The following NXPE2 variants were observed in gnomAD, a reference collection of about 807,000 sequenced individuals.
NXPE2 encodes neurexophilin and PC-esterase domain family member 2.
Under a neutral mutation model 34.4 loss-of-function variants are expected in NXPE2, and 34 were observed. That is an observed-to-expected ratio of 0.99 (90% CI 0.75 to 1.31). The LOEUF (loss-of-function observed/expected upper bound fraction) is 1.31, where lower values mean the gene tolerates loss of function less well. NXPE2 is among the 40% of genes most tolerant of loss of function. The pLI, the probability that NXPE2 is intolerant of heterozygous loss-of-function variation, is 0.00. For missense variants in NXPE2, 649 were observed against 672.5 expected, an observed-to-expected ratio of 0.97 and a Z score of 0.39; for synonymous variants, 235 against 231.3, an observed-to-expected ratio of 1.02 and a Z score of -0.15.
chr11:114,603,405 A>G, the NXPE2 span, among the ~76,000 whole-genome samples: 3 of 150,268 alleles, frequency 2.0e-5, no homozygotes, highest in Non-Finnish European at 4.4e-5. Context: ...AACACCTATT[A>G]CCTGGTGGAT....
At chr11:114,663,475 A>G in the NXPE2 span, among the ~76,000 whole-genome samples, 9 of 152,082 alleles carry the variant, frequency 5.9e-5, no homozygotes, top group African/African-American at 2.2e-4. Context: ...GTCTAATGGA[A>G]GCCAAGAGCA....
chr11:114,647,996 G>A, the NXPE2 span, among the ~76,000 whole-genome samples: 3 of 152,024 alleles, frequency 2.0e-5, no homozygotes, highest in Non-Finnish European at 4.4e-5. Flanking sequence ...CACTGTTGCC[G>A]GCCGACTTAA....
At chr11:114,745,278 G>T in the NXPE2 span, among the ~76,000 whole-genome samples, 1 of 152,126 alleles carries the variant, frequency 6.6e-6, no homozygotes, top group Non-Finnish European at 1.5e-5. Context: ...TATTTTGGGG[G>T]AGGGTTTCAG....
chr11:114,703,491 A>G (rs1951405684), intron 3 of NXPE2, among the ~76,000 whole-genome samples: 1 of 152,182 alleles, frequency 6.6e-6, no homozygotes, highest in Non-Finnish European at 1.5e-5. Context: ...AGGCTCAGCA[A>G]TTGGAGTTGT....
the NXPE2 span, among the ~76,000 whole-genome samples, chr11:114,614,059 T>C: frequency 5.3e-5 from 8 of 151,698 alleles, no homozygotes; most frequent in South Asian, 1.0e-3. Context: ...GAATAATAAG[T>C]GTCGCCTCAT....
At chr11:114,477,612 A>G in the NXPE2 span, among the ~76,000 whole-genome samples, 20 of 152,278 alleles carry the variant, frequency 1.3e-4, no homozygotes, top group African/African-American at 3.4e-4. Flanking sequence ...TGAATAGTAT[A>G]CTAAAGATAT....
chr11:114,618,970 T>A, the NXPE2 span, among the ~76,000 whole-genome samples: 1 of 152,084 alleles, frequency 6.6e-6, no homozygotes, highest in Non-Finnish European at 1.5e-5. Flanking sequence ...GGGTAAACAC[T>A]GTTATCTGGT....
chr11:114,715,839 T>G, the NXPE2 span, among the ~76,000 whole-genome samples: 1 of 152,202 alleles, frequency 6.6e-6, no homozygotes. Context: ...GCTCTTTTGC[T>G]TCTCAGAGCA....
chr11:114,672,969 G>A, the NXPE2 span, among the ~76,000 whole-genome samples: 1 of 150,878 alleles, frequency 6.6e-6, no homozygotes, highest in Non-Finnish European at 1.5e-5. Flanking sequence ...GATGTCTATA[G>A]AACATTCTGC....
At chr11:114,597,501 G>C in the NXPE2 span, among the ~76,000 whole-genome samples, 1 of 152,162 alleles carries the variant, frequency 6.6e-6, no homozygotes, top group African/African-American at 2.4e-5. Flanking sequence ...TCAGTTTTTT[G>C]ATGGATAAAT....
chr11:114,719,027 G>A, the NXPE2 span, among the ~76,000 whole-genome samples: 8 of 152,138 alleles, frequency 5.3e-5, no homozygotes, highest in South Asian at 8.3e-4. Flanking sequence ...CTGAGTGATC[G>A]TTGGGAAGGA....
At chr11:114,778,773 C>A in the NXPE2 span, among the ~76,000 whole-genome samples, 1 of 152,184 alleles carries the variant, frequency 6.6e-6, no homozygotes, top group Non-Finnish European at 1.5e-5. Context: ...CCACTTCCTG[C>A]AAATGCTTCC....
the NXPE2 span, chr11:114,595,772 A>C: frequency 6.6e-6 from 1 of 152,276 alleles, no homozygotes; most frequent in Non-Finnish European, 1.5e-5. Context: ...TGCTTGTTTC[A>C]GCTAAGACAG....
the NXPE2 span, among the ~76,000 whole-genome samples, chr11:114,810,725 T>G: frequency 6.6e-6 from 1 of 152,126 alleles, no homozygotes; most frequent in African/African-American, 2.4e-5. Flanking sequence ...TAGGAACACT[T>G]TCACATTGTT....
the NXPE2 span, among the ~76,000 whole-genome samples, chr11:114,727,190 G>T: frequency 1.3e-5 from 2 of 151,916 alleles, no homozygotes; most frequent in Admixed American, 6.6e-5. Flanking sequence ...TATACTGGGG[G>T]GCTTATAAAC....
chr11:114,583,491 A>C, the NXPE2 span: 4 of 634,652 alleles, frequency 6.3e-6, no homozygotes, highest in East Asian at 4.0e-5. Flanking sequence ...TGCTCCATCT[A>C]TCCAGATTAC....
chr11:114,604,294 G>A, the NXPE2 span, among the ~76,000 whole-genome samples: 23 of 151,898 alleles, frequency 1.5e-4, no homozygotes, highest in African/African-American at 2.9e-4. Context: ...GTGTTGCCTC[G>A]TGGGTAACAA....
chr11:114,624,451 A>G, the NXPE2 span, among the ~76,000 whole-genome samples: 1 of 152,050 alleles, frequency 6.6e-6, no homozygotes, highest in Non-Finnish European at 1.5e-5. Flanking sequence ...CTCATGGGTA[A>G]CCACTGTTAC....
chr11:114,609,676 A>G, the NXPE2 span, among the ~76,000 whole-genome samples: 1 of 151,376 alleles, frequency 6.6e-6, no homozygotes, highest in South Asian at 2.1e-4. Context: ...CCAGTGGATA[A>G]TAAGTATTTC....
Sources: allele counts gnomAD v4.1 joint callset (sites outside exome capture counted in the v4.1 genomes callset), GRCh38; gene constraint gnomAD v4.1.1; transcripts MANE v1.5; gene names NCBI Gene and HGNC (gene_info 2026-07-23, HGNC 2026-07-21).